Variants in PIK3C2A observed in about 807,000 individuals in gnomAD.
The protein encoded by PIK3C2A is phosphatidylinositol 4-phosphate 3-kinase C2 domain-containing subunit alpha.
Under a neutral mutation model 204.5 loss-of-function variants are expected in PIK3C2A, and 97 were observed. The ratio of observed to expected loss-of-function variants is 0.47; its 90% CI spans 0.40 to 0.56. PIK3C2A has a LOEUF of 0.56. PIK3C2A is among the 20% of genes least tolerant of loss of function. The pLI is 0.00. For synonymous variants in PIK3C2A, 653 were observed against 664.4 expected (o/e 0.98, Z 0.26); for missense variants, 1,735 against 1,969.2 (o/e 0.88, Z 2.25).
At chr11:17,181,720 A>T (rs1020138792) in intron 1 of PIK3C2A, among the ~76,000 whole-genome samples, 1 of 145,490 alleles carries the variant, frequency 6.9e-6, no homozygotes, top group Non-Finnish European at 1.5e-5. Flanking sequence ...TTTGATTCAT[A>T]TAAAGTTCAA....
intron 8 of PIK3C2A, among the ~76,000 whole-genome samples, chr11:17,139,232 C>T (rs1478592784): frequency 2.0e-5 from 3 of 147,482 alleles, no homozygotes; most frequent in Non-Finnish European, 4.5e-5. Context: ...TTTAAATTTC[C>T]CTTTTTTTTT....
intron 1 of PIK3C2A, among the ~76,000 whole-genome samples, chr11:17,173,213 G>A (rs1270516452): frequency 6.6e-6 from 1 of 152,056 alleles, no homozygotes; most frequent in Non-Finnish European, 1.5e-5. Flanking sequence ...AGAACCTACG[G>A]CTTCCATTTT....
At chr11:17,167,531 G>C (rs1851006275) in intron 2 of PIK3C2A, among the ~76,000 whole-genome samples, 1 of 152,180 alleles carries the variant, frequency 6.6e-6, no homozygotes, top group Non-Finnish European at 1.5e-5. Flanking sequence ...TGAGGCAGGA[G>C]AATCGCTTGA....
chr11:17,115,800 T>A (rs1849165238), intron 19 of PIK3C2A: 3 of 152,138 alleles, frequency 2.0e-5, no homozygotes, highest in Admixed American at 1.3e-4. Flanking sequence ...GCCAAAACCA[T>A]TCAAGAGGAA....
At chr11:17,157,126 C>A (rs1048153879) in intron 2 of PIK3C2A, among the ~76,000 whole-genome samples, 1 of 152,156 alleles carries the variant, frequency 6.6e-6, no homozygotes, top group Admixed American at 6.5e-5. Flanking sequence ...AACCCTGGGG[C>A]TCTTGTTTCC....
intron 11 of PIK3C2A, among the ~76,000 whole-genome samples, chr11:17,133,184 G>A (rs529827459): frequency 4.6e-5 from 7 of 151,688 alleles, no homozygotes; most frequent in South Asian, 2.1e-4. Flanking sequence ...TTTTATCACC[G>A]TTTTCTGTAT....
At chr11:17,167,734 A>G (rs1004179205) in intron 2 of PIK3C2A, among the ~76,000 whole-genome samples, 5 of 152,220 alleles carry the variant, frequency 3.3e-5, no homozygotes, top group African/African-American at 1.2e-4. Flanking sequence ...CAATGATAAA[A>G]TAGTAGGTAA....
chr11:17,136,440 A>G (rs370535553), intron 9 of PIK3C2A, 42 bp downstream of exon 9: 1 of 1,470,604 alleles, frequency 6.8e-7, no homozygotes, highest in East Asian at 2.3e-5. Flanking sequence ...GTTTAAGTAC[A>G]TATTTGCATG....
At chr11:17,125,011 C>A (rs375747972) in intron 13 of PIK3C2A, among the ~76,000 whole-genome samples, 28 of 152,276 alleles carry the variant, frequency 1.8e-4, no homozygotes, top group African/African-American at 6.7e-4. Context: ...TTGTATACTA[C>A]TTCTAATTCT....
chr11:17,106,299 C>A (rs1283028996), intron 22 of PIK3C2A, among the ~76,000 whole-genome samples: 1 of 151,770 alleles, frequency 6.6e-6, no homozygotes, highest in African/African-American at 2.4e-5. Flanking sequence ...GCAGTCCCAG[C>A]TACTTTGGAG....
At chr11:17,158,455 T>C (rs1850674629) in intron 2 of PIK3C2A, among the ~76,000 whole-genome samples, 1 of 151,582 alleles carries the variant, frequency 6.6e-6, no homozygotes, top group South Asian at 2.1e-4. Flanking sequence ...TGGGAACTAT[T>C]ATTACTCCCA....
chr11:17,190,203 C>T (rs1420879754), intron 1 of PIK3C2A, among the ~76,000 whole-genome samples: 1 of 151,468 alleles, frequency 6.6e-6, no homozygotes, highest in East Asian at 2.0e-4. Flanking sequence ...GCAGAGGTTG[C>T]AGTGAGCCGA....
At chr11:17,183,926 GAGAACC>G (rs1246667861) in intron 1 of PIK3C2A, among the ~76,000 whole-genome samples, 2 of 147,366 alleles carry the variant, frequency 1.4e-5, no homozygotes, top group Non-Finnish European at 3.0e-5. Context: ...GCAACATAGT[GAGAACC>G]CTCTTTAAAA....
At position 17,119,297 on chromosome 11, in the gene PIK3C2A, C is replaced by A; in HGVS notation, c.2863G>T (p.Val955Leu). 6.3e-7 allele frequency: 1 copy of A among 1,596,582 alleles called. No homozygotes were observed. Residue 955 changes from valine to leucine, a missense_variant, in exon 17 of 33, where the codon GTA becomes TTA. By Grantham distance (32) the Val-to-Leu change is conservative (BLOSUM62 1). Around this residue, in one of 6 missense-constraint regions of PIK3C2A, gnomAD observed 567 missense variants for 576.0 expected, o/e 0.98. Transcript: ENST00000691414. ...ATCCAGGTCACAGCTAGGGATCTTA[C>A]TTCCTGATCAGCAAATCTAGAAGAT... is the stretch of plus-strand genomic sequence containing the variant. ...LLDSKFADQE[V>L]RSLAVTWIEA...
At chr11:17,117,443 C>CCTTCCTTTAA in intron 19 of PIK3C2A, 48 bp downstream of exon 19, 1 of 1,321,520 alleles carries the variant, frequency 7.6e-7, no homozygotes, top group Non-Finnish European at 1.1e-6. Context: ...CCATAAAGAT[C>CCTTCCTTTAA]CTTCCTTTAA....
At chr11:17,135,853 G>A (rs1293540685) in intron 9 of PIK3C2A, among the ~76,000 whole-genome samples, 2 of 152,108 alleles carry the variant, frequency 1.3e-5, no homozygotes, top group African/African-American at 2.4e-5. Flanking sequence ...CACCATCAAC[G>A]TAACTTTTCT....
At chr11:17,101,781 T>A (rs61763079) in intron 24 of PIK3C2A, among the ~76,000 whole-genome samples, 298 of 151,890 alleles carry the variant, frequency 2.0e-3, no homozygotes, top group Non-Finnish European at 3.3e-3. Context: ...TTTTTTGTAT[T>A]TTTAGTAGAG....
At chr11:17,138,550 T>C (rs190181324) in intron 8 of PIK3C2A, among the ~76,000 whole-genome samples, 8 of 152,226 alleles carry the variant, frequency 5.3e-5, no homozygotes, top group Admixed American at 2.0e-4. Context: ...GTCCTCAGAG[T>C]GTTTTACTGT....
chr11:17,149,869 C>A (rs755802900), intron 4 of PIK3C2A, among the ~76,000 whole-genome samples: 5 of 152,270 alleles, frequency 3.3e-5, no homozygotes, highest in Middle Eastern at 3.4e-3. Context: ...GAATATTAGA[C>A]ACATTCCTAG....
Sources: gnomAD v4.1 joint callset for allele counts (sites outside exome capture counted in the v4.1 genomes callset) on GRCh38, gnomAD v4.1.1 for gene constraint, gnomAD v4.1.1 regional missense constraint, MANE v1.5 for transcripts, NCBI Gene and HGNC (gene_info 2026-07-23, HGNC 2026-07-21) for gene names.